ZPBP: variants seen among roughly 807,000 people sequenced by gnomAD.
The protein encoded by ZPBP is zona pellucida binding protein.
ZPBP carries 26 observed loss-of-function variants against 44.8 expected under a neutral mutation model. The ratio of observed to expected loss-of-function variants is 0.58; its 90% CI spans 0.43 to 0.81. ZPBP has a LOEUF of 0.81. Ranked by LOEUF, ZPBP falls within the 30% of genes least tolerant of loss-of-function variation. The pLI is 0.00. For synonymous variants in ZPBP, 174 were observed against 153.2 expected (o/e 1.14, Z -1.00); for missense variants, 409 against 434.0 (o/e 0.94, Z 0.51).
chr7:49,908,882 G>T (rs960940674), intron 1 of ZPBP, among the ~76,000 whole-genome samples: 2 of 152,072 alleles, frequency 1.3e-5, no homozygotes, highest in African/African-American at 4.8e-5. Context: ...TGTTGCAAAA[G>T]AATGAAAAAT....
intron 7 of ZPBP, among the ~76,000 whole-genome samples, chr7:49,968,692 A>G (rs1282520864): frequency 6.6e-6 from 1 of 152,038 alleles, no homozygotes; most frequent in African/African-American, 2.4e-5. Context: ...ATATTCAAGG[A>G]AAATATTTCT....
chr7:49,894,087 C>T (rs1482383348), intron 2 of ZPBP, among the ~76,000 whole-genome samples: 2 of 152,158 alleles, frequency 1.3e-5, no homozygotes, highest in East Asian at 1.9e-4. Context: ...CTATGTGTGT[C>T]GTTTCTAGGC....
At chr7:50,087,950 AT>A (rs1802752585) in intron 2 of ZPBP, among the ~76,000 whole-genome samples, 1 of 152,022 alleles carries the variant, frequency 6.6e-6, no homozygotes, top group Admixed American at 6.6e-5. Flanking sequence ...TTAATATGGA[AT>A]TGCAAGGGAC....
intron 2 of ZPBP, among the ~76,000 whole-genome samples, chr7:49,893,669 C>T (rs1253919080): frequency 1.3e-5 from 2 of 150,756 alleles, no homozygotes; most frequent in Admixed American, 1.3e-4. Context: ...AGACCAGTAC[C>T]CTGTGAAACT....
At chr7:49,923,020 G>C (rs1794087508) in intron 1 of ZPBP, among the ~76,000 whole-genome samples, 1 of 152,164 alleles carries the variant, frequency 6.6e-6, no homozygotes. Flanking sequence ...TAGTTGACTG[G>C]ATTTAACAGA....
At chr7:49,869,751 A>G (rs1371307751) in intron 2 of ZPBP, among the ~76,000 whole-genome samples, 1 of 152,180 alleles carries the variant, frequency 6.6e-6, no homozygotes, top group Non-Finnish European at 1.5e-5. Flanking sequence ...CTACACTATG[A>G]CCAGCAAACA....
intron 4 of ZPBP, among the ~76,000 whole-genome samples, chr7:50,042,865 C>A (rs964911011): frequency 6.6e-6 from 1 of 152,174 alleles, no homozygotes; most frequent in Non-Finnish European, 1.5e-5. Context: ...TTAAAAGACA[C>A]AGAATGGCAA....
intron 5 of ZPBP, among the ~76,000 whole-genome samples, chr7:50,029,500 G>A (rs1799493624): frequency 6.6e-6 from 1 of 151,966 alleles, no homozygotes; most frequent in African/African-American, 2.4e-5. Flanking sequence ...AAATCAACTG[G>A]GCATCAGAGG....
rs1562819186 is a variant in ZPBP at position 49,981,346 on chromosome 7, TATAATA to T, written c.961+1990_961+1995del. 8.8e-4 allele frequency among the ~76,000 whole-genome samples: 39 copies of T among 44,292 alleles called. 3 individuals carry two copies. The South Asian group carries it at 0.01, about 12-fold the overall frequency. 29.1% of individuals were successfully genotyped at this position (44,292 alleles called of 152,430 possible). On this transcript the variant is annotated intron_variant, in intron 7 of 7. Transcript: ENST00000046087. ...ATATATATTATAATTATATATATTA[TATAATA>T]TATATTATATATAATTATATATATT...
intron 1 of ZPBP, among the ~76,000 whole-genome samples, chr7:49,931,456 G>A (rs1171283314): frequency 1.3e-5 from 2 of 152,190 alleles, no homozygotes; most frequent in African/African-American, 2.4e-5. Context: ...GAGCTTGTTG[G>A]AAACTGGAGT....
intron 2 of ZPBP, among the ~76,000 whole-genome samples, chr7:49,896,306 A>C (rs1782371845): frequency 6.6e-6 from 1 of 152,188 alleles, no homozygotes; most frequent in Non-Finnish European, 1.5e-5. Flanking sequence ...GCACCACTGC[A>C]CTCTACCCTG....
intron 3 of ZPBP, among the ~76,000 whole-genome samples, chr7:50,072,698 C>A (rs1030980969): frequency 6.6e-6 from 1 of 152,244 alleles, no homozygotes; most frequent in Non-Finnish European, 1.5e-5. Flanking sequence ...GCCTGGTAAT[C>A]CAGAAAATTT....
At chr7:49,980,145 A>G (rs1412394105) in intron 7 of ZPBP, among the ~76,000 whole-genome samples, 3 of 114,520 alleles carry the variant, frequency 2.6e-5, no homozygotes, top group African/African-American at 1.1e-4. Context: ...TTATATTTAT[A>G]TTATAATTAT....
intron 3 of ZPBP, among the ~76,000 whole-genome samples, chr7:50,069,835 T>G (rs538574809): frequency 5.5e-4 from 84 of 152,174 alleles, no homozygotes; most frequent in African/African-American, 2.0e-3. Flanking sequence ...CATAGCCTGC[T>G]GCGGCTACGA....
Position 50,054,401 on chromosome 7 carries a change from C to T in ZPBP, c.487+3588G>A, listed in dbSNP as rs376584853. Among the ~76,000 whole-genome samples the T allele has an allele frequency of 1.8e-4, 28 of 151,746 alleles. 2 individuals are homozygous for T. In the South Asian group the frequency reaches 3.1e-3, roughly 17 times the overall value. On this transcript the variant is annotated intron_variant, in intron 4 of 7. Transcript: ENST00000046087. ...ATTAGTAAGAAAAAGACAAACTATG[C>T]GAAAGGAAGATGACAGTGGAATTGA... is the stretch of plus-strand genomic sequence containing the variant.
intron 2 of ZPBP, among the ~76,000 whole-genome samples, chr7:49,866,609 G>T (rs930468269): frequency 1.3e-5 from 2 of 152,150 alleles, no homozygotes; most frequent in African/African-American, 4.8e-5. Context: ...CTTCTTGATG[G>T]GATGAAATGC....
intron 3 of ZPBP, among the ~76,000 whole-genome samples, chr7:50,081,050 T>C (rs1344928074): frequency 6.6e-6 from 1 of 151,826 alleles, no homozygotes; most frequent in Non-Finnish European, 1.5e-5. Context: ...ATCTCTTAGC[T>C]ATATAAATAT....
At chr7:50,052,737 G>A (rs1721142228) in intron 4 of ZPBP, among the ~76,000 whole-genome samples, 1 of 152,112 alleles carries the variant, frequency 6.6e-6, no homozygotes, top group Admixed American at 6.6e-5. Flanking sequence ...ACAAACTGTG[G>A]TATATGCATA....
At chr7:49,904,011 T>G (rs757882589) in intron 1 of ZPBP, among the ~76,000 whole-genome samples, 3 of 152,160 alleles carry the variant, frequency 2.0e-5, no homozygotes, top group Non-Finnish European at 2.9e-5. Flanking sequence ...CACCCCACCC[T>G]AATCTTATTT....
Sources: gnomAD v4.1 joint callset for allele counts (sites outside exome capture counted in the v4.1 genomes callset) on GRCh38, gnomAD v4.1.1 for gene constraint, MANE v1.5 for transcripts, NCBI Gene and HGNC (gene_info 2026-07-23, HGNC 2026-07-21) for gene names.